The following MCU variants were observed in gnomAD, a reference collection of about 807,000 sequenced individuals.
MCU encodes mitochondrial calcium uniporter.
In MCU, 12 loss-of-function variants were observed where a neutral mutation model predicts 45.2. That is an observed-to-expected ratio of 0.27 (90% CI 0.17 to 0.43). The LOEUF (loss-of-function observed/expected upper bound fraction) is 0.43. Ranked by LOEUF, MCU falls within the 20% of genes least tolerant of loss-of-function variation. The probability of loss-of-function intolerance (pLI) is 1.00; values close to 1 mark genes in which losing one functional copy is unlikely to be tolerated. For synonymous variants in MCU, 160 were observed against 165.1 expected (o/e 0.97, Z 0.24); for missense variants, 324 against 436.7 (o/e 0.74, Z 2.30).
intron 2 of MCU, among the ~76,000 whole-genome samples, chr10:72,858,636 G>A (rs1845329672): frequency 6.6e-6 from 1 of 152,188 alleles, no homozygotes; most frequent in Non-Finnish European, 1.5e-5. Flanking sequence ...CCTTGGCCAA[G>A]AGGGGGTCCA....
intron 1 of MCU, among the ~76,000 whole-genome samples, chr10:72,724,955 CTG>C (rs1056073418): frequency 2.0e-5 from 3 of 152,166 alleles, no homozygotes; most frequent in Non-Finnish European, 4.4e-5. Flanking sequence ...AACTTTCACA[CTG>C]TGTTTATTTT....
At chr10:72,749,528 A>G (rs1395865975) in intron 1 of MCU, among the ~76,000 whole-genome samples, 1 of 152,152 alleles carries the variant, frequency 6.6e-6, no homozygotes, top group Non-Finnish European at 1.5e-5. Flanking sequence ...TTGGCCTATT[A>G]TAGGGACTTG....
chr10:72,811,441 T>C (rs1191234461), intron 1 of MCU, among the ~76,000 whole-genome samples: 1 of 152,236 alleles, frequency 6.6e-6, no homozygotes, highest in Admixed American at 6.5e-5. Context: ...ATATAACCAA[T>C]AGACTTGGTC....
chr10:72,753,290 G>A (rs1843528025), intron 1 of MCU, among the ~76,000 whole-genome samples: 1 of 152,086 alleles, frequency 6.6e-6, no homozygotes, highest in Non-Finnish European at 1.5e-5. Context: ...GTTAATACCA[G>A]CAGCAAAAAT....
At chr10:72,852,812 C>G (rs1845227529) in intron 2 of MCU, among the ~76,000 whole-genome samples, 1 of 152,202 alleles carries the variant, frequency 6.6e-6, no homozygotes, top group African/African-American at 2.4e-5. Flanking sequence ...TGGCTGAATT[C>G]TAAACCACAA....
chr10:72,805,205 T>C (rs958152175), intron 1 of MCU, among the ~76,000 whole-genome samples: 148 of 131,916 alleles, frequency 1.1e-3, no homozygotes, highest in African/African-American at 5.2e-3. Context: ...TTCCTTCCTT[T>C]CTTCCTTTCC....
intron 1 of MCU, among the ~76,000 whole-genome samples, chr10:72,781,066 A>AT (rs1456711330): frequency 1.3e-5 from 2 of 152,138 alleles, no homozygotes; most frequent in Admixed American, 6.6e-5. Context: ...AATAAAAAAA[A>AT]TTTTTTTTAA....
At chr10:72,753,464 T>C (rs1316335452) in intron 1 of MCU, among the ~76,000 whole-genome samples, 1 of 152,224 alleles carries the variant, frequency 6.6e-6, no homozygotes, top group Non-Finnish European at 1.5e-5. Flanking sequence ...GTGGTATTCA[T>C]TTTTAGTGTA....
chr10:72,835,249 C>G (rs1374999566), intron 2 of MCU, among the ~76,000 whole-genome samples: 1 of 152,196 alleles, frequency 6.6e-6, no homozygotes, highest in African/African-American at 2.4e-5. Flanking sequence ...AAACTGGCGA[C>G]AGGATCCAAA....
chr10:72,806,603 G>A (rs914963597), intron 1 of MCU, among the ~76,000 whole-genome samples: 2 of 152,204 alleles, frequency 1.3e-5, no homozygotes, highest in Non-Finnish European at 2.9e-5. Context: ...CATGGACCTT[G>A]CATTCTAGTG....
rs576428343 is a variant in MCU at position 72,846,932 on chromosome 10, G to T, written c.221-12245G>T. Among the ~76,000 whole-genome samples, 6 of 152,332 alleles carry T rather than the reference G, an allele frequency of 3.9e-5. No individual in the cohort carries two copies. In the East Asian group the frequency reaches 1.2e-3, roughly 29 times the overall value. On this transcript the variant is annotated intron_variant, in intron 2 of 7. Transcript: ENST00000373053. ...TTAGATCCAGGGAAACTTCCTCCCA[G>T]TGTGGTCAGGGAGACAGCTGAGCTT... is the stretch of plus-strand genomic sequence containing the variant.
At chr10:72,714,133 A>C (rs369540282) in intron 1 of MCU, among the ~76,000 whole-genome samples, 260 of 150,946 alleles carry the variant, frequency 1.7e-3, no homozygotes, top group African/African-American at 5.8e-3. Flanking sequence ...CACCTGGCTA[A>C]TTTTTGTATT....
At chr10:72,815,042 A>G (rs1394218068) in intron 1 of MCU, among the ~76,000 whole-genome samples, 1 of 152,262 alleles carries the variant, frequency 6.6e-6, no homozygotes, top group Non-Finnish European at 1.5e-5. Context: ...TATCAATTTA[A>G]GAAAATACAG....
chr10:72,705,297 A>T (rs1842805908), intron 1 of MCU, among the ~76,000 whole-genome samples: 1 of 152,204 alleles, frequency 6.6e-6, no homozygotes, highest in South Asian at 2.1e-4. Context: ...CAAAAATCAG[A>T]TGGCTACCTT....
In MCU at chr10:72,859,473, T is replaced by G. The variant is rs1845343911; in HGVS notation, c.391+126T>G. ...TATACTGTTAACTTCAGAAAACTTTTTTCTTTTGCTTAGCACTTACCAGGA... is the reference window on the plus strand; with the variant it reads ...TATACTGTTAACTTCAGAAAACTTTGTTCTTTTGCTTAGCACTTACCAGGA... On this transcript the variant is annotated intron_variant, in intron 3 of 7. Transcript: ENST00000373053. 6.4e-6 allele frequency: 5 copies of G among 775,786 alleles called. No homozygotes were observed. The South Asian group carries it at 1.1e-4, about 18-fold the overall frequency. The allele number at this position is 775,786 out of a possible 1,614,324, so 48.1% of individuals were successfully genotyped here.
At chr10:72,804,235 C>T (rs1844395191) in intron 1 of MCU, among the ~76,000 whole-genome samples, 1 of 150,256 alleles carries the variant, frequency 6.7e-6, no homozygotes, top group Non-Finnish European at 1.5e-5. Flanking sequence ...TACAGGTGCC[C>T]ACCACCATAT....
intron 6 of MCU, among the ~76,000 whole-genome samples, chr10:72,881,500 A>G (rs1845700098): frequency 1.3e-5 from 2 of 152,188 alleles, no homozygotes; most frequent in Admixed American, 6.5e-5. Context: ...GCCAGCCAAC[A>G]TAGCAAGATC....
chr10:72,753,170 TAATGA>T (rs573777500), intron 1 of MCU, among the ~76,000 whole-genome samples: 33 of 152,354 alleles, frequency 2.2e-4, no homozygotes, highest in African/African-American at 7.2e-4. Flanking sequence ...CATATATCGC[TAATGA>T]AATAATTTTT....
intron 1 of MCU, among the ~76,000 whole-genome samples, chr10:72,783,213 C>T (rs1844021865): frequency 6.6e-6 from 1 of 152,212 alleles, no homozygotes; most frequent in African/African-American, 2.4e-5. Flanking sequence ...TATCATCTGG[C>T]ATAGGCATAC....
Sources: gnomAD v4.1 joint callset for allele counts (sites outside exome capture counted in the v4.1 genomes callset) on GRCh38, gnomAD v4.1.1 for gene constraint, MANE v1.5 for transcripts, NCBI Gene and HGNC (gene_info 2026-07-23, HGNC 2026-07-21) for gene names.